LUZP2: variants seen among roughly 807,000 people sequenced by gnomAD.
LUZP2 encodes leucine zipper protein 2.
Under a neutral mutation model 51.6 loss-of-function variants are expected in LUZP2, and 52 were observed. That is an observed-to-expected ratio of 1.01 (90% CI 0.81 to 1.27). LUZP2 has a LOEUF of 1.27. Ranked by LOEUF, LUZP2 falls within the 50% of genes most tolerant of loss-of-function variation. LUZP2 has a pLI of 0.00. For missense variants in LUZP2, 436 were observed against 395.4 expected (o/e 1.10, Z -0.87); for synonymous variants, 154 against 137.3 (o/e 1.12, Z -0.85).
At chr11:24,978,314 T>A (rs1386014542) in intron 8 of LUZP2, among the ~76,000 whole-genome samples, 1 of 151,838 alleles carries the variant, frequency 6.6e-6, no homozygotes, top group East Asian at 1.9e-4. Context: ...ATTATAACAT[T>A]GGTGGAATCA....
At chr11:24,755,129 G>C (rs1590457676) in intron 4 of LUZP2, among the ~76,000 whole-genome samples, 1 of 151,196 alleles carries the variant, frequency 6.6e-6, no homozygotes, top group African/African-American at 2.4e-5. Context: ...TGGGTGACAA[G>C]AGCAAAACTC....
At chr11:24,745,484 C>T (rs1476341271) in intron 4 of LUZP2, among the ~76,000 whole-genome samples, 2 of 152,110 alleles carry the variant, frequency 1.3e-5, no homozygotes, top group East Asian at 3.9e-4. Context: ...CTTTTAACCA[C>T]TGTTGCTTTA....
intron 9 of LUZP2, among the ~76,000 whole-genome samples, chr11:25,009,437 T>C (rs1402632089): frequency 6.6e-6 from 1 of 152,190 alleles, no homozygotes; most frequent in Admixed American, 6.5e-5. Flanking sequence ...AATCAATGTG[T>C]AATAAATTAA....
intron 5 of LUZP2, among the ~76,000 whole-genome samples, chr11:24,904,167 C>T (rs1853367672): frequency 6.6e-6 from 1 of 152,104 alleles, no homozygotes; most frequent in Non-Finnish European, 1.5e-5. Flanking sequence ...AATAACCATC[C>T]TAATCTGAGT....
At chr11:24,884,009 A>T (rs893697073) in intron 5 of LUZP2, among the ~76,000 whole-genome samples, 1 of 152,046 alleles carries the variant, frequency 6.6e-6, no homozygotes, top group African/African-American at 2.4e-5. Context: ...GTAGAATTGC[A>T]AAGAGAGGGT....
At chr11:24,810,030 C>A (rs1372010398) in intron 5 of LUZP2, among the ~76,000 whole-genome samples, 1 of 152,146 alleles carries the variant, frequency 6.6e-6, no homozygotes, top group Non-Finnish European at 1.5e-5. Flanking sequence ...ACGCATTCAA[C>A]CTGCATGTAA....
At chr11:25,025,241 G>T (rs1857456966) in intron 9 of LUZP2, among the ~76,000 whole-genome samples, 1 of 151,990 alleles carries the variant, frequency 6.6e-6, no homozygotes, top group Admixed American at 6.6e-5. Context: ...CATAGGCAAG[G>T]ACTTCATGTC....
At chr11:25,075,542 A>G (rs540768521) in intron 10 of LUZP2, among the ~76,000 whole-genome samples, 2 of 152,342 alleles carry the variant, frequency 1.3e-5, no homozygotes, top group Admixed American at 6.5e-5. Context: ...TCTTAAAGTT[A>G]TTCACAATAT....
At chr11:25,007,121 A>G (rs908864287) in intron 9 of LUZP2, among the ~76,000 whole-genome samples, 1 of 152,186 alleles carries the variant, frequency 6.6e-6, no homozygotes, top group African/African-American at 2.4e-5. Context: ...TGGTGCATTT[A>G]CAAACCTTTA....
intron 10 of LUZP2, among the ~76,000 whole-genome samples, chr11:25,059,207 T>C (rs1858766818): frequency 6.6e-6 from 1 of 152,144 alleles, no homozygotes; most frequent in South Asian, 2.1e-4. Flanking sequence ...CTAATCTCTT[T>C]AGTGAAGTAT....
intron 1 of LUZP2, among the ~76,000 whole-genome samples, chr11:24,592,064 A>G (rs1853279250): frequency 6.6e-6 from 1 of 152,184 alleles, no homozygotes. Flanking sequence ...TTGGTAGGAA[A>G]TGGAAAAACC....
intron 1 of LUZP2, among the ~76,000 whole-genome samples, chr11:24,653,088 T>C (rs577906366): frequency 2.6e-4 from 39 of 152,242 alleles, no homozygotes; most frequent in South Asian, 1.2e-3. Context: ...AGTTGGTTTT[T>C]ATTCTAAGAT....
chr11:24,843,303 T>C (rs1851092728), intron 5 of LUZP2, among the ~76,000 whole-genome samples: 1 of 152,146 alleles, frequency 6.6e-6, no homozygotes, highest in African/African-American at 2.4e-5. Context: ...CAAAACTTAT[T>C]ATAACAAATT....
chr11:24,769,270 C>T (rs1352402972), intron 5 of LUZP2, among the ~76,000 whole-genome samples: 1 of 152,138 alleles, frequency 6.6e-6, no homozygotes, highest in Non-Finnish European at 1.5e-5. Flanking sequence ...GTTTTGTCAA[C>T]AGGTACAAAG....
chr11:24,624,032 G>C (rs755643439), intron 1 of LUZP2, among the ~76,000 whole-genome samples: 4 of 152,050 alleles, frequency 2.6e-5, no homozygotes, highest in Non-Finnish European at 5.9e-5. Context: ...ATCATGACTT[G>C]ATTTCATCTT....
chr11:24,515,233 T>C (rs12292047), intron 1 of LUZP2, among the ~76,000 whole-genome samples: 15,982 of 152,152 alleles, frequency 0.11, 1,204 homozygotes, highest in African/African-American at 0.21. Flanking sequence ...GTGCCTAGCA[T>C]GTGTGAGGTA....
chr11:24,995,238 C>T lies in LUZP2; in HGVS notation c.765+11945C>T, dbSNP rs148898486. On this transcript the variant is annotated intron_variant, in intron 9 of 11. Transcript: ENST00000336930. ...CTCAATCCCATCTCTACAGAAAATA[C>T]AGAAATTAGCTGGGCGTGGTGGTAC... Among the ~76,000 whole-genome samples the T allele has an allele frequency of 2.9e-3, 439 of 151,982 alleles. 3 individuals carry two copies. The highest frequency in any genetic ancestry group is 1.0e-2 in the African/African-American group (413 of 41,450).
In LUZP2 at chr11:24,539,862, T is replaced by A. The variant is rs79471330; in HGVS notation, c.62+42557T>A. 2.4e-3 allele frequency among the ~76,000 whole-genome samples: 365 copies of A among 152,214 alleles called. 1 individual carries two copies. The highest frequency in any genetic ancestry group is 8.4e-3 in the African/African-American group (350 of 41,566). On this transcript the variant is annotated intron_variant, in intron 1 of 11. Transcript: ENST00000336930. ...TCATTCATATAAATATGTTTAGAGC[T>A]GTATCTGACACATATTAAATGAATC...
At chr11:24,510,368 G>A (rs1368729620) in intron 1 of LUZP2, among the ~76,000 whole-genome samples, 1 of 152,196 alleles carries the variant, frequency 6.6e-6, no homozygotes, top group Non-Finnish European at 1.5e-5. Context: ...TATTGGCTTT[G>A]GTTCTATATT....
Sources: gnomAD v4.1 joint callset for allele counts (sites outside exome capture counted in the v4.1 genomes callset) on GRCh38, gnomAD v4.1.1 for gene constraint, MANE v1.5 for transcripts, NCBI Gene and HGNC (gene_info 2026-07-23, HGNC 2026-07-21) for gene names.